The following ZNF442 variants were observed in gnomAD, a reference collection of about 807,000 sequenced individuals.
ZNF442 encodes zinc finger protein 442.
In ZNF442, 45 loss-of-function variants were observed where a neutral mutation model predicts 57.0. The observed-to-expected ratio is 0.79, with a 90% confidence interval of 0.62 to 1.01. ZNF442 has a LOEUF of 1.01. Ranked by LOEUF, ZNF442 falls within the 50% of genes least tolerant of loss-of-function variation. ZNF442 has a pLI of 0.00. For synonymous variants in ZNF442, 213 were observed against 241.8 expected (o/e 0.88, Z 1.10); for missense variants, 690 against 756.5 (o/e 0.91, Z 1.03).
chr19:12,358,243 G>A (rs1356739805), intron 3 of ZNF442, among the ~76,000 whole-genome samples: 1 of 152,110 alleles, frequency 6.6e-6, no homozygotes, highest in Non-Finnish European at 1.5e-5. Flanking sequence ...GATTACAGGC[G>A]TGAGCCACCG....
chr19:12,366,630 TTTTTA>T (rs1208778473), upstream of ZNF442, among the ~76,000 whole-genome samples: 6 of 152,228 alleles, frequency 3.9e-5, no homozygotes, highest in East Asian at 1.9e-4. Context: ...TGCACATTTA[TTTTTA>T]TTTTATTTTT....
intron 3 of ZNF442, among the ~76,000 whole-genome samples, chr19:12,362,856 C>T (rs1053944236): frequency 6.7e-6 from 1 of 149,048 alleles, no homozygotes; most frequent in African/African-American, 2.5e-5. Flanking sequence ...CCATTTTGTT[C>T]TGTACTAAGA....
Position 12,350,727 on chromosome 19 carries a change from A to G in ZNF442, c.858T>C (p.Thr286=), listed in dbSNP as rs1969215003. 3 of 1,613,742 alleles carry G rather than the reference A, an allele frequency of 1.9e-6. No individual in the cohort carries two copies. The highest frequency in any genetic ancestry group is 2.5e-6 in the Non-Finnish European group (3 of 1,180,002). The change falls in exon 6 of 6, where the codon ACT becomes ACC. Residue 286 remains threonine (T), a synonymous_variant. Transcript: ENST00000242804. ...ATTTATAGGGTTTTTCTCCAGTGTG[A>G]GTTCTTTCATGTCTTACATAGGAAC... is the stretch of plus-strand genomic sequence containing the variant. ...DYSSYVRHER[T]HTGEKPYKCK...
At chr19:12,353,855 G>A (rs1181510854) in intron 3 of ZNF442, among the ~76,000 whole-genome samples, 1 of 152,124 alleles carries the variant, frequency 6.6e-6, no homozygotes, top group Non-Finnish European at 1.5e-5. Flanking sequence ...AATGGGTAGT[G>A]ACAGAGTTGG....
At chr19:12,364,196 A>C (rs1969492347) in intron 2 of ZNF442, among the ~76,000 whole-genome samples, 1 of 152,050 alleles carries the variant, frequency 6.6e-6, no homozygotes, top group South Asian at 2.1e-4. Context: ...ACCTGAGGTC[A>C]TGAGTTCGAG....
chr19:12,370,288 C>A (rs529069457), upstream of ZNF442, among the ~76,000 whole-genome samples: 1 of 151,700 alleles, frequency 6.6e-6, no homozygotes, highest in Non-Finnish European at 1.5e-5. Context: ...CCCTTGTGTG[C>A]GCAGCTCACA....
At chr19:12,360,480 C>T (rs982660255) in intron 3 of ZNF442, among the ~76,000 whole-genome samples, 2 of 152,210 alleles carry the variant, frequency 1.3e-5, no homozygotes, top group Admixed American at 6.5e-5. Flanking sequence ...TGGGAGTCAC[C>T]GGCCTCAGGC....
chr19:12,361,848 A>T (rs1381659200), intron 3 of ZNF442, among the ~76,000 whole-genome samples: 1 of 151,964 alleles, frequency 6.6e-6, no homozygotes, highest in Non-Finnish European at 1.5e-5. Context: ...GCCTGCGGAG[A>T]GCCTGGGATT....
upstream of ZNF442, among the ~76,000 whole-genome samples, chr19:12,366,850 G>A (rs1416584454): frequency 6.6e-6 from 1 of 152,182 alleles, no homozygotes; most frequent in Non-Finnish European, 1.5e-5. Flanking sequence ...GCCCAGGCTG[G>A]TCGTGAACTC....
intron 3 of ZNF442, among the ~76,000 whole-genome samples, chr19:12,356,048 A>C (rs1969323028): frequency 6.6e-6 from 1 of 151,668 alleles, no homozygotes; most frequent in Non-Finnish European, 1.5e-5. Context: ...TCAAATGAGG[A>C]GTCTTCCAAA....
the ZNF442 span, among the ~76,000 whole-genome samples, chr19:12,371,492 T>C: frequency 6.6e-6 from 1 of 152,326 alleles, no homozygotes; most frequent in East Asian, 1.9e-4. Context: ...GGGTTTATGT[T>C]CAGATTTTGC....
chr19:12,371,493 C>G, the ZNF442 span, among the ~76,000 whole-genome samples: 1 of 152,126 alleles, frequency 6.6e-6, no homozygotes, highest in Non-Finnish European at 1.5e-5. Context: ...GGTTTATGTT[C>G]AGATTTTGCA....
chr19:12,357,808 C>T (rs1242561408), intron 3 of ZNF442, among the ~76,000 whole-genome samples: 3 of 152,070 alleles, frequency 2.0e-5, no homozygotes, highest in South Asian at 2.1e-4. Context: ...TCAGAGCCTT[C>T]GGTGCATCCA....
intron 3 of ZNF442, among the ~76,000 whole-genome samples, chr19:12,356,752 A>G (rs1969336821): frequency 6.6e-6 from 1 of 152,214 alleles, no homozygotes; most frequent in Non-Finnish European, 1.5e-5. Flanking sequence ...GCTCAACACC[A>G]ATGCTAATCA....
At chr19:12,372,513 G>A in the ZNF442 span, among the ~76,000 whole-genome samples, 15 of 151,748 alleles carry the variant, frequency 9.9e-5, no homozygotes, top group Admixed American at 2.6e-4. Flanking sequence ...ATCATCTAGA[G>A]GAATATAAAA....
upstream of ZNF442, among the ~76,000 whole-genome samples, chr19:12,368,090 G>A (rs182734408): frequency 6.6e-6 from 1 of 152,232 alleles, no homozygotes; most frequent in East Asian, 1.9e-4. Flanking sequence ...CAACCCCACA[G>A]GCAGTCAGAC....
chr19:12,360,417 A>G (rs963816677), intron 3 of ZNF442, among the ~76,000 whole-genome samples: 19 of 152,302 alleles, frequency 1.2e-4, no homozygotes, highest in Middle Eastern at 6.8e-3. Flanking sequence ...GGAAGAACCA[A>G]TTTAAGTGGG....
chr19:12,355,290 C>CAAA (rs1243882800), intron 3 of ZNF442, among the ~76,000 whole-genome samples: 565 of 55,644 alleles, frequency 0.01, 14 homozygotes, highest in African/African-American at 0.036. Context: ...GACTCCATCT[C>CAAA]AAAAAAAAAA....
Position 12,361,626 on chromosome 19 carries a change from A to G in ZNF442, c.78+1928T>C, listed in dbSNP as rs1969426594. Among the ~76,000 whole-genome samples the G allele has an allele frequency of 3.9e-5, 6 of 152,230 alleles. No homozygotes were observed. In the South Asian group the frequency reaches 1.2e-3, roughly 32 times the overall value. On this transcript the variant is annotated intron_variant, in intron 3 of 5. Coordinates refer to ENST00000242804, the MANE Select transcript of ZNF442 (RefSeq NM_030824.3). Reference sequence around the variant, plus strand: ...CTTACTTGACAGACTGGGGGAAAAAAAAAGTAAATGAAGGGTTTTTTTGTT... The same window carrying G: ...CTTACTTGACAGACTGGGGGAAAAAGAAAGTAAATGAAGGGTTTTTTTGTT...
Sources: allele counts gnomAD v4.1 joint callset (sites outside exome capture counted in the v4.1 genomes callset), GRCh38; gene constraint gnomAD v4.1.1; transcripts MANE v1.5; gene names NCBI Gene and HGNC (gene_info 2026-07-23, HGNC 2026-07-21).